ZNF135: variants seen among roughly 807,000 people sequenced by gnomAD.
ZNF135 encodes zinc finger protein 135 (clone pHZ-17).
In ZNF135, 11 loss-of-function variants were observed where a neutral mutation model predicts 12.3. That is an observed-to-expected ratio of 0.89 (90% CI 0.56 to 1.48). ZNF135 has a LOEUF of 1.48. ZNF135 is among the 40% of genes most tolerant of loss of function. ZNF135 has a pLI of 0.00. For synonymous variants in ZNF135, 316 were observed against 312.0 expected, an observed-to-expected ratio of 1.01 and a Z score of -0.14; for missense variants, 722 against 815.7, an observed-to-expected ratio of 0.89 and a Z score of 1.40.
Position 58,059,625 on chromosome 19 carries a change from G to A in ZNF135, c.-35+315G>A. On this transcript the variant is annotated intron_variant, in intron 1 of 4. Transcript: ENST00000313434. The surrounding 1 kb of genome is among the most constrained non-coding windows in gnomAD (Gnocchi z 6.5). ...ACCTCTGCCCCACACCGGGCACTGG[G>A]CCGCCACCTTTGTTGATGGAAGAGA... 5.8e-6 allele frequency: 3 copies of A among 514,960 alleles called. No homozygotes were observed. Among genetic ancestry groups the A allele is most frequent in the Non-Finnish European group, 1.0e-5 (3 of 294,246 alleles). The allele number at this position is 514,960 out of a possible 1,614,324, so 31.9% of individuals were successfully genotyped here.
In ZNF135 at chr19:58,067,020, C is replaced by T. The variant is rs745691705; in HGVS notation, c.536C>T (p.Pro179Leu). 6.2e-7 allele frequency: 1 copy of T among 1,614,170 alleles called. No homozygotes were observed. Among genetic ancestry groups the T allele is most frequent in the South Asian group, 1.1e-5 (1 of 91,080 alleles). ...ISLNPDLPHQ[P>L]MTPERQSPHT... ...CTGAACCCTGATCTCCCACATCAAC[C>T]AATGACTCCTGAAAGACAAAGCCCC... The change falls in exon 5 of 5, where the codon CCA (proline) becomes CTA (leucine). Residue 179 changes from proline to leucine, a missense_variant. Physicochemically the swap from Pro to Leu is moderately conservative, Grantham distance 98. Coordinates refer to ENST00000313434, the MANE Select transcript of ZNF135 (RefSeq NM_001289401.2).
chr19:58,059,365 C>CGGGCCGGGCG lies in ZNF135; in HGVS notation c.-35+58_-35+59insCCGGGCGGGG. ...GAGGCCAGGCCGGGCCGGGCCGGGC[C>CGGGCCGGGCG]GGGTGCGGGGGGTCCGGGGATCTTC... On this transcript the variant is annotated intron_variant, in intron 1 of 4. Transcript: ENST00000313434. The surrounding 1 kb of genome is among the most constrained non-coding windows in gnomAD (Gnocchi z 6.5). The CGGGCCGGGCG allele has an allele frequency of 4.3e-6, 2 of 462,728 alleles. No individual in the cohort carries two copies. The highest frequency in any genetic ancestry group is 6.3e-6 in the Non-Finnish European group (2 of 318,466). 28.7% of individuals were successfully genotyped at this position (462,728 alleles called of 1,614,324 possible). A position where few individuals can be genotyped will look rare whatever the true frequency, so the allele number is the denominator to read the frequency against.
chr19:58,059,858 G>A lies in ZNF135; in HGVS notation c.-34-111G>A. On this transcript the variant is annotated intron_variant, in intron 1 of 4. Coordinates refer to ENST00000313434, the MANE Select transcript of ZNF135 (RefSeq NM_001289401.2). This position sits in a 1 kb window ranked among gnomAD's most constrained non-coding sequence, Gnocchi z 6.5. Reference sequence around the variant, plus strand: ...AGCAGGCGCTTAAACGGGTACGCGGGGCCCTGGACGGCTCTCCGCGGAGCT... The same window carrying A: ...AGCAGGCGCTTAAACGGGTACGCGGAGCCCTGGACGGCTCTCCGCGGAGCT... 2.3e-6 allele frequency: 3 copies of A among 1,313,026 alleles called. No individual in the cohort carries two copies. The highest frequency in any genetic ancestry group is 1.4e-5 in the South Asian group (1 of 72,086). The allele number at this position is 1,313,026 out of a possible 1,614,324, so 81.3% of individuals were successfully genotyped here. A position where few individuals can be genotyped will look rare whatever the true frequency, so the allele number is the denominator to read the frequency against.
intron 4 of ZNF135, among the ~76,000 whole-genome samples, chr19:58,064,065 C>A (rs1281155040): frequency 6.6e-6 from 1 of 152,218 alleles, no homozygotes; most frequent in Non-Finnish European, 1.5e-5. Context: ...GTTTATAATT[C>A]ATGTGTCTGT....
chr19:58,066,087 C>G (rs556485706), intron 4 of ZNF135, among the ~76,000 whole-genome samples: 4 of 152,176 alleles, frequency 2.6e-5, no homozygotes, highest in Non-Finnish European at 4.4e-5. Context: ...GAAACCCCTA[C>G]CCTCAAGGGG....
At position 58,060,048 on chromosome 19, in the gene ZNF135, G is replaced by C. The variant is rs1247172078; in HGVS notation, c.33+13G>C. On this transcript the variant is annotated intron_variant, in intron 2 of 4. Transcript: ENST00000313434. The surrounding 1 kb of genome is among the most constrained non-coding windows in gnomAD (Gnocchi z 4.9). ...CTCCACAGACCCGGTGAGAATCTCG[G>C]CCTCCTTGCGCGTGTCCTCCACCTC... The C allele has an allele frequency of 1.2e-6, 2 of 1,612,968 alleles. No individual in the cohort carries two copies. Among genetic ancestry groups the C allele is most frequent in the Non-Finnish European group, 1.7e-6 (2 of 1,179,806 alleles).
rs761982624 is a variant in ZNF135, at chr19:58,067,343, C to G, written c.859C>G (p.Gln287Glu). 6.2e-7 allele frequency: 1 copy of G among 1,614,126 alleles called. No individual in the cohort carries two copies. Among genetic ancestry groups the G allele is most frequent in the Non-Finnish European group, 8.5e-7 (1 of 1,180,030 alleles). The part of the protein sequence containing the change: ...RTFNQIAPLI[Q>E]HQRTHTGEKP... ...CTTCAACCAAATTGCCCCACTGATCCAGCACCAGAGAACTCACACAGGTGA... is the reference window on the plus strand; with the variant it reads ...CTTCAACCAAATTGCCCCACTGATCGAGCACCAGAGAACTCACACAGGTGA... Residue 287 changes from glutamine to glutamate, a missense_variant, in exon 5 of 5, where the codon CAG becomes GAG. Transcript: ENST00000313434.
In ZNF135 at chr19:58,068,509, T is replaced by C. The variant is rs1457034703; in HGVS notation, c.*48T>C. 6.4e-6 allele frequency: 10 copies of C among 1,574,612 alleles called. No individual in the cohort carries two copies. Among genetic ancestry groups the C allele is most frequent in the Non-Finnish European group, 6.9e-6 (8 of 1,160,858 alleles). On this transcript the variant is annotated 3_prime_UTR_variant, in exon 5 of 5. Transcript: ENST00000313434. ...ACATAGGAAGACCTTAAGCCATAGC[T>C]CATCCCTTTCTAGATTTGACCCAAT... is the stretch of plus-strand genomic sequence containing the variant.
chr19:58,060,117 T>A lies in ZNF135; in HGVS notation c.33+82T>A. The stretch of plus-strand genomic sequence containing the variant: ...CGCGGCCTTCTCACGCCCGGCCTCC[T>A]CTTTGCACCCCGTCCCTACTCGCGC... On this transcript the variant is annotated intron_variant, in intron 2 of 4. Transcript: ENST00000313434. The surrounding 1 kb of genome is among the most constrained non-coding windows in gnomAD (Gnocchi z 4.9). 6.3e-7 allele frequency: 1 copy of A among 1,598,820 alleles called. No individual in the cohort carries two copies. Among genetic ancestry groups the A allele is most frequent in the Non-Finnish European group, 8.5e-7 (1 of 1,176,848 alleles).
At position 58,063,433 on chromosome 19, in the gene ZNF135, T is replaced by G; in HGVS notation, c.161-13T>G. The stretch of plus-strand genomic sequence containing the variant: ...GATACAAATGCTCACTCTATGGGTC[T>G]CTCCCTGAGCAGGACATTGGTTACC... On this transcript the variant is annotated splice_polypyrimidine_tract_variant and intron_variant, in intron 3 of 4. Transcript: ENST00000313434. The surrounding 1 kb of genome is among the most constrained non-coding windows in gnomAD (Gnocchi z 4.4). The G allele has an allele frequency of 6.2e-7, 1 of 1,613,808 alleles. No individual in the cohort carries two copies. The highest frequency in any genetic ancestry group is 2.2e-5 in the East Asian group (1 of 44,854).
At chr19:58,062,630 A>ATGC (rs971360484) in intron 3 of ZNF135, among the ~76,000 whole-genome samples, 1 of 150,778 alleles carries the variant, frequency 6.6e-6, no homozygotes, top group African/African-American at 2.4e-5. Flanking sequence ...TGACCTCGTG[A>ATGC]TGCACCCACC....
intron 4 of ZNF135, among the ~76,000 whole-genome samples, chr19:58,064,378 C>G (rs564344567): frequency 1.3e-5 from 2 of 152,262 alleles, no homozygotes; most frequent in Non-Finnish European, 2.9e-5. Flanking sequence ...GGATTTTCTT[C>G]TGCCTGAGCC....
rs1186323747 is a variant in ZNF135, at chr19:58,061,578, A to C, written c.34-2A>C. 1.9e-6 allele frequency: 3 copies of C among 1,611,844 alleles called. No homozygotes were observed. Among genetic ancestry groups the C allele is most frequent in the African/African-American group, 2.7e-5 (2 of 74,820 alleles). On this transcript the variant is annotated splice_acceptor_variant, in intron 2 of 4. Coordinates refer to ENST00000313434, the MANE Select transcript of ZNF135 (RefSeq NM_001289401.2). LOFTEE classifies it high-confidence loss of function. ...GCTGAGGACACTCGTGTGATGTTTC[A>C]GGAGCAAGTGACGTTTGAGGACGTG... is the stretch of plus-strand genomic sequence containing the variant.
rs1354715970 is a variant in ZNF135, at chr19:58,066,665, C to T, written c.257-76C>T. On this transcript the variant is annotated intron_variant, in intron 4 of 4. Coordinates refer to ENST00000313434, the MANE Select transcript of ZNF135 (RefSeq NM_001289401.2). ...TTCAAAATAATTAGTTTTATCCTTC[C>T]TCTTCCCATCTCACCACAAACTCTT... is the stretch of plus-strand genomic sequence containing the variant. 3.2e-6 allele frequency: 5 copies of T among 1,557,786 alleles called. No individual in the cohort carries two copies. The African/African-American group carries it at 6.8e-5, about 21-fold the overall frequency.
Position 58,063,470 on chromosome 19 carries a change from T to C in ZNF135, c.185T>C (p.Val62Ala), listed in dbSNP as rs1332038412. The C allele has an allele frequency of 1.9e-6, 3 of 1,613,990 alleles. No individual in the cohort carries two copies. The Admixed American group carries it at 5.0e-5, about 27-fold the overall frequency. The change falls in exon 4 of 5, where the codon GTC (valine) becomes GCC (alanine). Residue 62 changes from valine (V) to alanine (A), a missense_variant. Val to Ala is a moderately conservative substitution (Grantham distance 64, BLOSUM62 0). Coordinates refer to ENST00000313434, the MANE Select transcript of ZNF135 (RefSeq NM_001289401.2). The surrounding 1 kb of genome is among the most constrained non-coding windows in gnomAD (Gnocchi z 4.4). Reference protein sequence around the residue: ...SVGHWLPKPNVISLLEQEAEL... With the variant: ...SVGHWLPKPNAISLLEQEAEL... The stretch of plus-strand genomic sequence containing the variant: ...GGACATTGGTTACCGAAGCCGAATG[T>C]CATCTCCCTGCTGGAGCAAGAGGCA...
At position 58,060,085 on chromosome 19, in the gene ZNF135, C is replaced by CCTCGCGCGCGGCCTT; in HGVS notation, c.33+54_33+68dup. On this transcript the variant is annotated intron_variant, in intron 2 of 4. Transcript: ENST00000313434. The surrounding 1 kb of genome is among the most constrained non-coding windows in gnomAD (Gnocchi z 4.9). ...GTGTCCTCCACCTCGTGCCCGGCCT[C>CCTCGCGCGCGGCCTT]CTCGCGCGCGGCCTTCTCACGCCCG... 3 of 1,610,492 alleles carry CCTCGCGCGCGGCCTT rather than the reference C, an allele frequency of 1.9e-6. No individual in the cohort carries two copies. The highest frequency in any genetic ancestry group is 2.5e-6 in the Non-Finnish European group (3 of 1,179,618).
At chr19:58,064,023 A>G (rs988362273) in intron 4 of ZNF135, among the ~76,000 whole-genome samples, 1 of 152,106 alleles carries the variant, frequency 6.6e-6, no homozygotes, top group African/African-American at 2.4e-5. Flanking sequence ...GTAGGAAAAC[A>G]CTCTGACCTC....
chr19:58,059,424 C>A lies in ZNF135; in HGVS notation c.-35+114C>A. On this transcript the variant is annotated intron_variant, in intron 1 of 4. Coordinates refer to ENST00000313434, the MANE Select transcript of ZNF135 (RefSeq NM_001289401.2). This position sits in a 1 kb window ranked among gnomAD's most constrained non-coding sequence, Gnocchi z 6.5. ...CTGGCGGGGCGAGTTTCCAGCAGCG[C>A]GCGTCTGTGTGGAGTCCGTTTTGCT... 1 of 1,004,416 alleles carries A rather than the reference C, an allele frequency of 1.0e-6. No individual in the cohort carries two copies. 62.2% of individuals were successfully genotyped at this position (1,004,416 alleles called of 1,614,324 possible). A position where few individuals can be genotyped will look rare whatever the true frequency, so the allele number is the denominator to read the frequency against.
chr19:58,060,099 T>TTCTC lies in ZNF135; in HGVS notation c.33+65_33+68dup. 1 of 1,602,688 alleles carries TTCTC rather than the reference T, an allele frequency of 6.2e-7. No individual in the cohort carries two copies. The highest frequency in any genetic ancestry group is 1.7e-4 in the Middle Eastern group (1 of 6,042). On this transcript the variant is annotated intron_variant, in intron 2 of 4. Transcript: ENST00000313434. This position sits in a 1 kb window ranked among gnomAD's most constrained non-coding sequence, Gnocchi z 4.9. The stretch of plus-strand genomic sequence containing the variant: ...GTGCCCGGCCTCCTCGCGCGCGGCC[T>TTCTC]TCTCACGCCCGGCCTCCTCTTTGCA...
Sources: gnomAD v4.1 joint callset for allele counts (sites outside exome capture counted in the v4.1 genomes callset) on GRCh38, gnomAD v4.1.1 for gene constraint, Gnocchi (gnomAD v3.1) non-coding constraint, MANE v1.5 for transcripts, NCBI Gene and HGNC (gene_info 2026-07-23, HGNC 2026-07-21) for gene names.